The following CSGALNACT1 variants were observed in gnomAD, a reference collection of about 807,000 sequenced individuals.
CSGALNACT1 encodes beta4GalNAcT-1.
CSGALNACT1 carries 52 observed loss-of-function variants against 51.0 expected under a neutral mutation model. The observed-to-expected ratio is 1.02, with a 90% CI of 0.82 to 1.29. The LOEUF (loss-of-function observed/expected upper bound fraction) is 1.29. Among genes scored for constraint, CSGALNACT1 ranks in the 50% most tolerant of loss-of-function variants. The pLI is 0.00. For missense variants in CSGALNACT1, 935 were observed against 679.2 expected (o/e 1.38, Z -4.19); for synonymous variants, 341 against 254.4 (o/e 1.34, Z -3.24).
At chr8:19,505,306 G>A (rs753894137) in exon 4 of CSGALNACT1, 64 of 1,613,992 alleles carry the variant, frequency 4.0e-5, no homozygotes, top group East Asian at 6.7e-5. Flanking sequence ...AACTCATCCC[G>A]CTTGTCCTTC....
intron 1 of CSGALNACT1, among the ~76,000 whole-genome samples, chr8:19,711,220 G>C (rs778603417): frequency 4.6e-5 from 7 of 152,120 alleles, no homozygotes; most frequent in Non-Finnish European, 1.0e-4. Context: ...TAGTCGAGTT[G>C]TGCTGGGAGG....
chr8:19,505,792 C>G lies in CSGALNACT1; in HGVS notation c.43G>C (p.Val15Leu), dbSNP rs757928680. The change falls in exon 4 of 10, where the codon GTG (valine) becomes CTG (leucine). Residue 15 changes from valine (V) to leucine (L), a missense_variant. Transcript: ENST00000454498. Reference sequence around the variant, plus strand: ...CAGAGGAGCACCAGCAAAACCACCACCCGGGAAATCCACGCAAGCAGCCCC... The same window carrying G: ...CAGAGGAGCACCAGCAAAACCACCAGCCGGGAAATCCACGCAAGCAGCCCC... 4.5e-5 allele frequency: 73 copies of G among 1,613,648 alleles called. No homozygotes were observed. Among genetic ancestry groups the G allele is most frequent in the Non-Finnish European group, 5.8e-5 (69 of 1,180,044 alleles).
At chr8:19,696,685 A>C (rs1213426789) in intron 1 of CSGALNACT1, among the ~76,000 whole-genome samples, 2 of 152,126 alleles carry the variant, frequency 1.3e-5, no homozygotes, top group Admixed American at 6.5e-5. Context: ...GTTAAATGAG[A>C]GGGATAGTAA....
intron 1 of CSGALNACT1, among the ~76,000 whole-genome samples, chr8:19,652,084 C>A (rs988531631): frequency 1.3e-5 from 2 of 152,056 alleles, no homozygotes; most frequent in Non-Finnish European, 2.9e-5. Flanking sequence ...TGTACACCAC[C>A]ACACCCAGCT....
intron 3 of CSGALNACT1, among the ~76,000 whole-genome samples, chr8:19,518,632 T>C (rs2080021846): frequency 6.6e-6 from 1 of 152,204 alleles, no homozygotes; most frequent in South Asian, 2.1e-4. Context: ...AGTTTCTCTT[T>C]TCCTCTTCTG....
At chr8:19,564,552 C>T (rs2041505996) in intron 3 of CSGALNACT1, among the ~76,000 whole-genome samples, 1 of 152,120 alleles carries the variant, frequency 6.6e-6, no homozygotes, top group African/African-American at 2.4e-5. Flanking sequence ...TTTGGCTCCT[C>T]GAAGCTGCCC....
At chr8:19,635,660 G>C (rs1284323373) in intron 1 of CSGALNACT1, among the ~76,000 whole-genome samples, 1 of 152,144 alleles carries the variant, frequency 6.6e-6, no homozygotes, top group Non-Finnish European at 1.5e-5. Context: ...AGGAGGGATG[G>C]GCAGAGGGAC....
At chr8:19,725,480 AG>A (rs2063349423) in intron 1 of CSGALNACT1, among the ~76,000 whole-genome samples, 1 of 139,778 alleles carries the variant, frequency 7.2e-6, no homozygotes, top group Non-Finnish European at 1.5e-5. Flanking sequence ...TCTGGAGTGC[AG>A]TGGCGTGATC....
At chr8:19,406,757 G>A (rs1240724671) in intron 9 of CSGALNACT1, among the ~76,000 whole-genome samples, 2 of 151,774 alleles carry the variant, frequency 1.3e-5, no homozygotes, top group Non-Finnish European at 1.5e-5. Flanking sequence ...GAGAAGAAAC[G>A]AGGGGCTTGC....
Position 19,716,612 on chromosome 8 carries a change from C to CCAAAAA in CSGALNACT1, c.-297+41237_-297+41238insTTTTTG, listed in dbSNP as rs1414449293. Among the ~76,000 whole-genome samples the CCAAAAA allele has an allele frequency of 9.8e-4, 41 of 41,992 alleles. 1 individual carries two copies. The highest frequency in any genetic ancestry group is 7.6e-3 in the South Asian group (5 of 654). The allele number at this position is 41,992 out of a possible 152,430, so 27.5% of individuals were successfully genotyped here. A position where few individuals can be genotyped will look rare whatever the true frequency, so the allele number is the denominator to read the frequency against. ...GGCCAACATGGTAAAACCCTCTCTA[C>CCAAAAA]AAAAAAAAAAAAAAAAAAAAAAAAA... On this transcript the variant is annotated intron_variant, in intron 1 of 1. Transcript: ENST00000517494.
intron 8 of CSGALNACT1, among the ~76,000 whole-genome samples, chr8:19,417,141 C>G (rs1281182585): frequency 6.6e-6 from 1 of 152,198 alleles, no homozygotes; most frequent in African/African-American, 2.4e-5. Flanking sequence ...AGACATGAGC[C>G]ACCAAACCCA....
intron 1 of CSGALNACT1, among the ~76,000 whole-genome samples, chr8:19,640,658 A>G (rs1398213413): frequency 6.6e-6 from 1 of 152,234 alleles, no homozygotes; most frequent in African/African-American, 2.4e-5. Context: ...GATCTGGCAC[A>G]CTTGAATCTA....
At chr8:19,558,519 G>T (rs2039974995) in intron 3 of CSGALNACT1, among the ~76,000 whole-genome samples, 1 of 152,290 alleles carries the variant, frequency 6.6e-6, no homozygotes, top group Admixed American at 6.5e-5. Flanking sequence ...TACAGAAAAA[G>T]TATCTATGGA....
chr8:19,519,725 T>C (rs1452559648), intron 3 of CSGALNACT1, among the ~76,000 whole-genome samples: 3 of 152,208 alleles, frequency 2.0e-5, no homozygotes, highest in African/African-American at 7.2e-5. Flanking sequence ...GACAAACTAG[T>C]AATTAAAGCT....
chr8:19,580,055 T>G (rs565936023), intron 3 of CSGALNACT1, among the ~76,000 whole-genome samples: 2 of 152,306 alleles, frequency 1.3e-5, no homozygotes, highest in East Asian at 3.9e-4. Context: ...GACCCTCCTT[T>G]CTACTGCTTG....
At chr8:19,502,900 C>T (rs1402766027) in intron 4 of CSGALNACT1, among the ~76,000 whole-genome samples, 1 of 152,198 alleles carries the variant, frequency 6.6e-6, no homozygotes, top group Non-Finnish European at 1.5e-5. Flanking sequence ...TTTATAACCA[C>T]CTGGTCAAAT....
chr8:19,548,367 C>T (rs2086998385), intron 3 of CSGALNACT1, among the ~76,000 whole-genome samples: 1 of 152,114 alleles, frequency 6.6e-6, no homozygotes, highest in African/African-American at 2.4e-5. Flanking sequence ...TCAAACCAAC[C>T]ATGACTCTAA....
intron 5 of CSGALNACT1, among the ~76,000 whole-genome samples, chr8:19,443,626 C>G (rs2061669321): frequency 6.6e-6 from 1 of 152,188 alleles, no homozygotes; most frequent in South Asian, 2.1e-4. Context: ...TTCACTACCA[C>G]AAGAACAGTA....
chr8:19,575,579 A>C (rs1319606773), intron 3 of CSGALNACT1, among the ~76,000 whole-genome samples: 1 of 152,240 alleles, frequency 6.6e-6, no homozygotes, highest in Admixed American at 6.5e-5. Context: ...GTGTTAAAAC[A>C]AAACAAAACA....
Sources: gnomAD v4.1 joint callset for allele counts (sites outside exome capture counted in the v4.1 genomes callset) on GRCh38, gnomAD v4.1.1 for gene constraint, MANE v1.5 for transcripts, NCBI Gene and HGNC (gene_info 2026-07-23, HGNC 2026-07-21) for gene names.